CPS1: variants seen among roughly 807,000 people sequenced by gnomAD.
CPS1 encodes carbamoyl-phosphate synthase 1.
CPS1 carries 109 observed loss-of-function variants against 174.6 expected under a neutral mutation model. The observed-to-expected ratio is 0.62, with a 90% confidence interval of 0.53 to 0.73. The LOEUF (loss-of-function observed/expected upper bound fraction) is 0.73, where lower values mean the gene tolerates loss of function less well. Ranked by LOEUF, CPS1 falls within the 30% of genes least tolerant of loss-of-function variation. The pLI is 0.00. For missense variants in CPS1, 1,689 were observed against 1,821.9 expected, an observed-to-expected ratio of 0.93 and a Z score of 1.33; for synonymous variants, 637 against 632.0, an observed-to-expected ratio of 1.01 and a Z score of -0.12.
chr2:210,648,068 A>G lies in CPS1; in HGVS notation c.3336+11A>G. 6.2e-7 allele frequency: 1 copy of G among 1,613,104 alleles called. No individual in the cohort carries two copies. Among genetic ancestry groups the G allele is most frequent in the East Asian group, 2.2e-5 (1 of 44,872 alleles). The stretch of plus-strand genomic sequence containing the variant: ...GCTGTTAATACTTTGGTAAGGAGAG[A>G]AACAAGTATCTGTTTCTAATGTTCT... On this transcript the variant is annotated intron_variant, in intron 26 of 37. Transcript: ENST00000233072.
At chr2:210,599,639 C>T (rs1698638275) in intron 14 of CPS1, 78 bp downstream of exon 14, 1 of 1,480,798 alleles carries the variant, frequency 6.8e-7, no homozygotes, top group Non-Finnish European at 9.4e-7. Context: ...GCTCATCTAA[C>T]AATTGTGCTT....
chr2:210,676,503 C>T (rs1350350762), intron 36 of CPS1, among the ~76,000 whole-genome samples: 1 of 152,112 alleles, frequency 6.6e-6, no homozygotes, highest in Non-Finnish European at 1.5e-5. Flanking sequence ...TATTTGTTAG[C>T]GTTCTTGAGA....
At chr2:210,676,894 T>A (rs1701553376) in intron 36 of CPS1, 113 bp from the exon 37 acceptor site, 1 of 951,000 alleles carries the variant, frequency 1.1e-6, no homozygotes, top group Non-Finnish European at 1.7e-6. Context: ...CAGATGGCAG[T>A]CAACTCAGCA....
Position 210,612,231 on chromosome 2 carries a change from A to G in CPS1, c.2506A>G (p.Asn836Asp). Residue 836 changes from asparagine to aspartate, a missense_variant, in exon 20 of 38, where the codon AAT becomes GAT. Asn to Asp is a conservative substitution (Grantham distance 23). Transcript: ENST00000233072. ...RLPMNKEWPS[N>D]LDLRKELSEP... Reference sequence around the variant, plus strand: ...CCCAATGAACAAAGAATGGCCATCTAATTTAGATCTTAGAAAAGAGTTGTC... The same window carrying G: ...CCCAATGAACAAAGAATGGCCATCTGATTTAGATCTTAGAAAAGAGTTGTC... 1.2e-6 allele frequency: 2 copies of G among 1,612,210 alleles called. No homozygotes were observed. The highest frequency in any genetic ancestry group is 1.7e-6 in the Non-Finnish European group (2 of 1,178,858).
At chr2:210,512,963 TATGG>T (rs1390353729) in intron 1 of CPS1, among the ~76,000 whole-genome samples, 11,298 of 45,320 alleles carry the variant, frequency 0.25, 4,775 homozygotes, top group Middle Eastern at 0.46. Flanking sequence ...GAGATATATA[TATGG>T]AGATATATAT....
At chr2:210,599,089 T>C (rs577742832) in intron 13 of CPS1, among the ~76,000 whole-genome samples, 28 of 152,002 alleles carry the variant, frequency 1.8e-4, no homozygotes, top group African/African-American at 6.7e-4. Flanking sequence ...CTAGACCAAT[T>C]ATATAGAAAT....
intron 6 of CPS1, among the ~76,000 whole-genome samples, chr2:210,585,512 G>A (rs1018204955): frequency 3.3e-4 from 50 of 151,948 alleles, no homozygotes; most frequent in African/African-American, 1.2e-3. Context: ...GGTATTATTA[G>A]GAACTCATTT....
At chr2:210,621,840 TC>T (rs1311103071) in intron 21 of CPS1, among the ~76,000 whole-genome samples, 1 of 152,096 alleles carries the variant, frequency 6.6e-6, no homozygotes, top group Non-Finnish European at 1.5e-5. Context: ...CTGAATGCCT[TC>T]CAAGGGTAAG....
rs1253363070 is a variant in CPS1 at position 210,588,156 on chromosome 2, T to C, written c.711+9T>C. 1 of 1,609,704 alleles carries C rather than the reference T, an allele frequency of 6.2e-7. No individual in the cohort carries two copies. Among genetic ancestry groups the C allele is most frequent in the South Asian group, 1.1e-5 (1 of 91,012 alleles). The stretch of plus-strand genomic sequence containing the variant: ...TCCGCCTGCTAGTAAAGGTAAGTAA[T>C]TTGTTCATTTCAAAGGTGAGGGTTT... On this transcript the variant is annotated intron_variant, in intron 7 of 37. Coordinates refer to ENST00000233072, the MANE Select transcript of CPS1 (RefSeq NM_001875.5).
At chr2:210,519,718 A>C (rs987141027) in intron 1 of CPS1, 1 of 984,464 alleles carries the variant, frequency 1.0e-6, no homozygotes, top group Non-Finnish European at 1.2e-6. Context: ...TTGAAACTTT[A>C]GTTCAAAAGC....
intron 5 of CPS1, among the ~76,000 whole-genome samples, chr2:210,581,982 A>G (rs1024890709): frequency 1.6e-4 from 24 of 152,226 alleles, no homozygotes; most frequent in Non-Finnish European, 7.3e-5. Context: ...CTCAAGATAC[A>G]GCTGAAAAAA....
At chr2:210,559,149 A>G (rs898570343) in intron 1 of CPS1, among the ~76,000 whole-genome samples, 1 of 152,152 alleles carries the variant, frequency 6.6e-6, no homozygotes, top group African/African-American at 2.4e-5. Flanking sequence ...TTAGATGGAC[A>G]TCATATTTTA....
intron 1 of CPS1, among the ~76,000 whole-genome samples, chr2:210,547,283 G>A (rs1434509747): frequency 6.6e-6 from 1 of 152,074 alleles, no homozygotes; most frequent in Non-Finnish European, 1.5e-5. Context: ...TTAAATAACT[G>A]ATTTTCATTG....
At position 210,566,447 on chromosome 2, in the gene CPS1, G is replaced by A. The variant is rs547226040; in HGVS notation, c.127-6851G>A. On this transcript the variant is annotated intron_variant, in intron 1 of 37. Transcript: ENST00000233072. ...AATTCATGACTTGACATTTCACTTTGACAATTTACAGATTTATAGATAGGT... is the reference window on the plus strand; with the variant it reads ...AATTCATGACTTGACATTTCACTTTAACAATTTACAGATTTATAGATAGGT... Among the ~76,000 whole-genome samples, 3 of 152,200 alleles carry A rather than the reference G, an allele frequency of 2.0e-5. No individual in the cohort carries two copies. In the East Asian group the frequency reaches 5.8e-4, roughly 29 times the overall value.
chr2:210,505,297 A>G (rs1574474312), intron 1 of CPS1, among the ~76,000 whole-genome samples: 1 of 151,728 alleles, frequency 6.6e-6, no homozygotes, highest in Non-Finnish European at 1.5e-5. Flanking sequence ...CAAAACTGCA[A>G]TTACTTTAGC....
At chr2:210,650,787 G>A (rs925029679) in intron 28 of CPS1, among the ~76,000 whole-genome samples, 9 of 152,208 alleles carry the variant, frequency 5.9e-5, no homozygotes, top group Admixed American at 3.9e-4. Flanking sequence ...GGTATTTCTG[G>A]AATTCCCAGT....
chr2:210,593,003 A>C (rs746888901), intron 11 of CPS1, 47 bp downstream of exon 11: 5 of 1,535,032 alleles, frequency 3.3e-6, no homozygotes, highest in Non-Finnish European at 4.5e-6. Flanking sequence ...AAAAAAATGT[A>C]TTTGTGTGGA....
intron 19 of CPS1, among the ~76,000 whole-genome samples, chr2:210,610,225 T>C (rs1003512784): frequency 1.4e-4 from 21 of 152,054 alleles, no homozygotes; most frequent in Non-Finnish European, 2.5e-4. Flanking sequence ...ACCATAAAAT[T>C]GGTAGTTCAA....
At chr2:210,559,548 T>G (rs1457940347) in intron 1 of CPS1, among the ~76,000 whole-genome samples, 3 of 152,128 alleles carry the variant, frequency 2.0e-5, no homozygotes, top group African/African-American at 4.8e-5. Context: ...AAAGTTGATA[T>G]CAAGGGTATA....
Sources: allele counts gnomAD v4.1 joint callset (sites outside exome capture counted in the v4.1 genomes callset), GRCh38; gene constraint gnomAD v4.1.1; transcripts MANE v1.5; gene names NCBI Gene and HGNC (gene_info 2026-07-23, HGNC 2026-07-21).